PHF2: variants seen among roughly 807,000 people sequenced by gnomAD.
The protein encoded by PHF2 is lysine-specific demethylase PHF2.
Under a neutral mutation model 120.5 loss-of-function variants are expected in PHF2, and 27 were observed. The observed-to-expected ratio is 0.22, with a 90% CI of 0.17 to 0.31. The LOEUF is 0.31. Ranked by LOEUF, PHF2 falls within the 10% of genes least tolerant of loss-of-function variation. The pLI is 1.00. For synonymous variants in PHF2, 568 were observed against 592.5 expected, an observed-to-expected ratio of 0.96 and a Z score of 0.60; for missense variants, 1,024 against 1,434.8, an observed-to-expected ratio of 0.71 and a Z score of 4.63.
At chr9:93,605,661 A>T (rs1298909320) in intron 1 of PHF2, among the ~76,000 whole-genome samples, 1 of 152,214 alleles carries the variant, frequency 6.6e-6, no homozygotes, top group African/African-American at 2.4e-5. Context: ...GAAATCACGT[A>T]GTATGTCGGC....
At chr9:93,634,071 G>C (rs1160399768) in intron 2 of PHF2, among the ~76,000 whole-genome samples, 1 of 152,192 alleles carries the variant, frequency 6.6e-6, no homozygotes, top group Non-Finnish European at 1.5e-5. Flanking sequence ...CTAAGGGCAG[G>C]CAGGGAGCTC....
At chr9:93,597,079 C>T (rs1451107503) in intron 1 of PHF2, among the ~76,000 whole-genome samples, 2 of 151,884 alleles carry the variant, frequency 1.3e-5, no homozygotes, top group Non-Finnish European at 2.9e-5. Flanking sequence ...TACAGGTGCC[C>T]GCCACCACAC....
In PHF2 at chr9:93,667,308, T is replaced by C. The variant is rs1826701575; in HGVS notation, c.2348+68T>C. 1.9e-6 allele frequency: 3 copies of C among 1,539,052 alleles called. No individual in the cohort carries two copies. In the South Asian group the frequency reaches 3.6e-5, roughly 18 times the overall value. On this transcript the variant is annotated intron_variant, in intron 17 of 21. Transcript: ENST00000359246. ...CAGGCCCAGGGCTGGCCCTCGGCCA[T>C]GATGGTGGGAGCCTGCGAGGCAGAC...
chr9:93,626,920 T>C (rs1453004725), intron 1 of PHF2, among the ~76,000 whole-genome samples: 1 of 152,252 alleles, frequency 6.6e-6, no homozygotes, highest in Non-Finnish European at 1.5e-5. Flanking sequence ...AGGTTTTAGT[T>C]CTATTCCATT....
chr9:93,646,315 T>C (rs1322872792), intron 4 of PHF2, among the ~76,000 whole-genome samples: 2 of 152,154 alleles, frequency 1.3e-5, no homozygotes, highest in Admixed American at 6.5e-5. Flanking sequence ...TGGGCACTTG[T>C]GGGTAGAGGA....
chr9:93,597,899 C>T (rs1382784050), intron 1 of PHF2, among the ~76,000 whole-genome samples: 3 of 152,196 alleles, frequency 2.0e-5, no homozygotes, highest in Non-Finnish European at 4.4e-5. Context: ...CAAATCCCTC[C>T]TCCTCCCCAG....
At chr9:93,645,589 C>T in intron 3 of PHF2, 40 bp from the exon 4 acceptor site, 1 of 1,519,808 alleles carries the variant, frequency 6.6e-7, no homozygotes, top group Non-Finnish European at 8.9e-7. Context: ...TGCAGGAGGC[C>T]TCGGGCCCAA....
chr9:93,656,347 AG>A lies in PHF2; in HGVS notation c.1041-139del. ...ATGGGCCCCGAGGTCTGCAGCCACCAGGGCAGTTTTCCCCTGGTCCTCCTCA... is the reference window on the plus strand; with the variant it reads ...ATGGGCCCCGAGGTCTGCAGCCACCAGGCAGTTTTCCCCTGGTCCTCCTCA... On this transcript the variant is annotated intron_variant, in intron 8 of 21. Transcript: ENST00000359246. The surrounding 1 kb of genome is among the most constrained non-coding windows in gnomAD (Gnocchi z 4.1). 1 of 660,438 alleles carries A rather than the reference AG, an allele frequency of 1.5e-6. No individual in the cohort carries two copies. Among genetic ancestry groups the A allele is most frequent in the South Asian group, 1.8e-5 (1 of 55,278 alleles). The allele number at this position is 660,438 out of a possible 1,614,324, so 40.9% of individuals were successfully genotyped here. A position where few individuals can be genotyped will look rare whatever the true frequency, so the allele number is the denominator to read the frequency against.
chr9:93,580,488 A>G (rs905776422), intron 1 of PHF2, among the ~76,000 whole-genome samples: 1 of 152,106 alleles, frequency 6.6e-6, no homozygotes, highest in Non-Finnish European at 1.5e-5. Flanking sequence ...ACCAGGCCCC[A>G]TGCCCTCCAC....
rs569261922 is a variant in PHF2, at chr9:93,677,803, C to T, written c.*127C>T. On this transcript the variant is annotated 3_prime_UTR_variant, in exon 22 of 22. Transcript: ENST00000359246. The surrounding 1 kb of genome is among the most constrained non-coding windows in gnomAD (Gnocchi z 4.4). ...CCTTGCCTCTTCCCGGCTGCCATCTCCCCAACAAGCGTCTGTCCCTTCAGC... is the reference window on the plus strand; with the variant it reads ...CCTTGCCTCTTCCCGGCTGCCATCTTCCCAACAAGCGTCTGTCCCTTCAGC... 4.3e-5 allele frequency: 29 copies of T among 672,656 alleles called. No individual in the cohort carries two copies. In the East Asian group the frequency reaches 7.5e-4, roughly 17 times the overall value. The allele number at this position is 672,656 out of a possible 1,614,324, so 41.7% of individuals were successfully genotyped here.
chr9:93,627,434 A>G (rs1564386735), intron 1 of PHF2, among the ~76,000 whole-genome samples: 1 of 147,568 alleles, frequency 6.8e-6, no homozygotes. Flanking sequence ...ATTATGTCAT[A>G]TGCAAATAAA....
chr9:93,645,263 G>C (rs775036486), intron 3 of PHF2, among the ~76,000 whole-genome samples: 2 of 152,196 alleles, frequency 1.3e-5, no homozygotes, highest in Non-Finnish European at 2.9e-5. Context: ...AGCTGCCCCC[G>C]TCCTCACCTA....
At chr9:93,580,699 T>C (rs1344745821) in intron 1 of PHF2, among the ~76,000 whole-genome samples, 1 of 152,220 alleles carries the variant, frequency 6.6e-6, no homozygotes, top group African/African-American at 2.4e-5. Flanking sequence ...TGAAAGAAAT[T>C]GAAAGCTGTT....
intron 1 of PHF2, among the ~76,000 whole-genome samples, chr9:93,596,925 ATTTTTTTTTT>A (rs1158735768): frequency 1.1e-5 from 1 of 88,522 alleles, no homozygotes; most frequent in African/African-American, 4.7e-5. Context: ...CGCCCAGCTA[ATTTTTTTTTT>A]TTTTTTTTTT....
intron 1 of PHF2, among the ~76,000 whole-genome samples, chr9:93,616,520 C>T (rs1053446532): frequency 1.3e-5 from 2 of 152,158 alleles, no homozygotes; most frequent in South Asian, 2.1e-4. Flanking sequence ...AACTGAGCTC[C>T]GACAGTGTGC....
At chr9:93,591,476 G>C (rs1335609596) in intron 1 of PHF2, among the ~76,000 whole-genome samples, 1 of 152,198 alleles carries the variant, frequency 6.6e-6, no homozygotes, top group Non-Finnish European at 1.5e-5. Context: ...GTGTGGACTG[G>C]GGGCGTCTCA....
chr9:93,633,813 C>T (rs894101315), intron 2 of PHF2, among the ~76,000 whole-genome samples: 16 of 152,076 alleles, frequency 1.1e-4, no homozygotes, highest in South Asian at 4.1e-4. Flanking sequence ...ACGGGGAGGA[C>T]GCCCCCACCC....
Position 93,663,915 on chromosome 9 carries a change from G to A in PHF2, c.1937+280G>A, listed in dbSNP as rs148229121. Among the ~76,000 whole-genome samples, 12 of 152,276 alleles carry A rather than the reference G, an allele frequency of 7.9e-5. No individual in the cohort carries two copies. The East Asian group carries it at 1.7e-3, about 22-fold the overall frequency. Reference sequence around the variant, plus strand: ...CTGATTGCAGCCCTGTTCCTGGCACGTCTTCATCAGGCCTAGACACCAGCA... The same window carrying A: ...CTGATTGCAGCCCTGTTCCTGGCACATCTTCATCAGGCCTAGACACCAGCA... On this transcript the variant is annotated intron_variant, in intron 14 of 21. Transcript: ENST00000359246.
intron 1 of PHF2, among the ~76,000 whole-genome samples, chr9:93,591,291 T>C (rs1371296115): frequency 1.3e-5 from 2 of 152,260 alleles, no homozygotes; most frequent in Admixed American, 6.5e-5. Context: ...TTTATTAGAT[T>C]TTAAACTACT....
Sources: gnomAD v4.1 joint callset for allele counts (sites outside exome capture counted in the v4.1 genomes callset) on GRCh38, gnomAD v4.1.1 for gene constraint, Gnocchi (gnomAD v3.1) non-coding constraint, MANE v1.5 for transcripts, NCBI Gene and HGNC (gene_info 2026-07-23, HGNC 2026-07-21) for gene names.